The following NTN4 variants were observed in gnomAD, a reference collection of about 807,000 sequenced individuals.
NTN4 encodes the protein netrin 4.
In NTN4, 32 loss-of-function variants were observed where a neutral mutation model predicts 73.6. The ratio of observed to expected loss-of-function variants is 0.44; its 90% CI spans 0.33 to 0.58. The LOEUF is 0.58. Among genes scored for constraint, NTN4 ranks in the 20% least tolerant of loss-of-function variants. The pLI, the probability that NTN4 is intolerant of heterozygous loss-of-function variation, is 0.04. For missense variants in NTN4, 654 were observed against 798.3 expected (o/e 0.82, Z 2.18); for synonymous variants, 258 against 287.5 (o/e 0.90, Z 1.04).
chr12:95,718,412 T>A lies in NTN4; in HGVS notation c.865-5074A>T, dbSNP rs111964886. The stretch of plus-strand genomic sequence containing the variant: ...GACAGCATCAAGCATATGGGATGGA[T>A]GCTTACCAAGATTGTTGTAGAATAT... On this transcript the variant is annotated intron_variant, in intron 3 of 9. Transcript: ENST00000343702. Among the ~76,000 whole-genome samples the A allele has an allele frequency of 1.8e-3, 272 of 152,324 alleles. 1 individual carries two copies. The highest frequency in any genetic ancestry group is 6.2e-3 in the African/African-American group (257 of 41,582).
chr12:95,709,450 C>T (rs528416214), intron 5 of NTN4, among the ~76,000 whole-genome samples: 1 of 152,260 alleles, frequency 6.6e-6, no homozygotes, highest in South Asian at 2.1e-4. Context: ...TCCTATGAAT[C>T]GGATAGATCT....
Position 95,658,987 on chromosome 12 carries a change from G to T in NTN4, c.*99C>A. On this transcript the variant is annotated 3_prime_UTR_variant, in exon 10 of 10. Transcript: ENST00000343702. ...CATTCAAACATTTCTATATGTTTTG[G>T]CACTTTAAAAAATTCCAGTTTCCTG... is the stretch of plus-strand genomic sequence containing the variant. The T allele has an allele frequency of 1.8e-6, 2 of 1,093,788 alleles. No individual in the cohort carries two copies. Among genetic ancestry groups the T allele is most frequent in the Non-Finnish European group, 2.6e-6 (2 of 765,696 alleles). The allele number at this position is 1,093,788 out of a possible 1,614,324, so 67.8% of individuals were successfully genotyped here. A position where few individuals can be genotyped will look rare whatever the true frequency, so the allele number is the denominator to read the frequency against.
chr12:95,713,196 TG>T lies in NTN4; in HGVS notation c.991+15del. On this transcript the variant is annotated intron_variant, in intron 4 of 9. Coordinates refer to ENST00000343702, the MANE Select transcript of NTN4 (RefSeq NM_021229.4). ...TTACAAAGAAAGCTTTTGAGTATCG[TG>T]GGCTTGTTACTTACTTCTGCACTCG... 1.2e-6 allele frequency: 2 copies of T among 1,608,114 alleles called. No homozygotes were observed. The highest frequency in any genetic ancestry group is 1.7e-6 in the Non-Finnish European group (2 of 1,175,218).
chr12:95,750,082 C>A (rs925558590), intron 2 of NTN4, among the ~76,000 whole-genome samples: 2 of 152,136 alleles, frequency 1.3e-5, no homozygotes, highest in African/African-American at 4.8e-5. Flanking sequence ...AGTACCCCAA[C>A]CTCGTATCTC....
chr12:95,699,349 T>C (rs934928634), intron 5 of NTN4, among the ~76,000 whole-genome samples: 4 of 152,190 alleles, frequency 2.6e-5, no homozygotes, highest in Non-Finnish European at 4.4e-5. Context: ...TTCTTACATG[T>C]GTAATTGTGG....
At chr12:95,669,850 C>G (rs757365397) in intron 8 of NTN4, among the ~76,000 whole-genome samples, 1 of 152,202 alleles carries the variant, frequency 6.6e-6, no homozygotes, top group Non-Finnish European at 1.5e-5. Flanking sequence ...TATAATAACT[C>G]TACCTTTGCT....
chr12:95,766,138 TA>T (rs1388322295), intron 2 of NTN4, among the ~76,000 whole-genome samples: 1 of 152,202 alleles, frequency 6.6e-6, no homozygotes, highest in Non-Finnish European at 1.5e-5. Context: ...GTGACATCCT[TA>T]TGTTCAGTGG....
intron 2 of NTN4, among the ~76,000 whole-genome samples, chr12:95,779,140 G>A (rs2079114799): frequency 6.6e-6 from 1 of 152,126 alleles, no homozygotes; most frequent in Non-Finnish European, 1.5e-5. Context: ...AATAAATTAG[G>A]TATTGATGGG....
chr12:95,729,281 C>T (rs2078718212), intron 3 of NTN4, among the ~76,000 whole-genome samples: 1 of 151,500 alleles, frequency 6.6e-6, no homozygotes, highest in African/African-American at 2.4e-5. Flanking sequence ...TATCTTAAAG[C>T]TAAAATATAT....
chr12:95,751,119 T>C (rs1170609270), intron 2 of NTN4, among the ~76,000 whole-genome samples: 1 of 151,806 alleles, frequency 6.6e-6, no homozygotes, highest in Non-Finnish European at 1.5e-5. Context: ...CAAAATACAT[T>C]TTATTACCCA....
At chr12:95,700,111 T>TTTTTTTTTTTTTTTTTTTTTTTG (rs2078473112) in intron 5 of NTN4, among the ~76,000 whole-genome samples, 1 of 115,530 alleles carries the variant, frequency 8.7e-6, no homozygotes, top group Non-Finnish European at 1.8e-5. Flanking sequence ...TTTTTTTTTT[T>TTTTTTTTTTTTTTTTTTTTTTTG]TTTTACTTAG....
chr12:95,785,812 G>A (rs1217222115), intron 2 of NTN4, among the ~76,000 whole-genome samples: 1 of 152,170 alleles, frequency 6.6e-6, no homozygotes, highest in East Asian at 1.9e-4. Flanking sequence ...CCTAGTTTCT[G>A]TAGCCATGGT....
intron 2 of NTN4, among the ~76,000 whole-genome samples, chr12:95,770,996 T>TG (rs72185913): frequency 7.4e-4 from 31 of 41,956 alleles, no homozygotes; most frequent in Non-Finnish European, 1.1e-3. Flanking sequence ...GAATTTGTTT[T>TG]TTTTTTTTTT....
intron 2 of NTN4, among the ~76,000 whole-genome samples, chr12:95,743,320 ATTAT>A (rs1361770139): frequency 6.6e-6 from 1 of 151,776 alleles, no homozygotes; most frequent in Non-Finnish European, 1.5e-5. Context: ...TTTTATCTTT[ATTAT>A]TTACTTTCTT....
At chr12:95,741,101 A>G (rs939918014) in intron 2 of NTN4, among the ~76,000 whole-genome samples, 3 of 152,054 alleles carry the variant, frequency 2.0e-5, no homozygotes, top group Non-Finnish European at 2.9e-5. Context: ...GGTTGCTTCC[A>G]GCTTTTCAGT....
At chr12:95,752,394 T>C (rs2078915395) in intron 2 of NTN4, among the ~76,000 whole-genome samples, 2 of 151,012 alleles carry the variant, frequency 1.3e-5, no homozygotes, top group South Asian at 4.4e-4. Flanking sequence ...TACAACCCAT[T>C]ATTCTGTTCT....
intron 2 of NTN4, among the ~76,000 whole-genome samples, chr12:95,767,331 A>C (rs189799755): frequency 2.3e-4 from 35 of 152,336 alleles, no homozygotes; most frequent in Non-Finnish European, 4.4e-5. Context: ...GGAATATACT[A>C]TAATGAGGTA....
chr12:95,667,577 A>G (rs1315045169), intron 8 of NTN4, among the ~76,000 whole-genome samples: 1 of 152,124 alleles, frequency 6.6e-6, no homozygotes, highest in Non-Finnish European at 1.5e-5. Flanking sequence ...AATTAAGGCC[A>G]GGTGCAGGGA....
chr12:95,667,003 C>T (rs1477672692), intron 8 of NTN4, among the ~76,000 whole-genome samples: 2 of 152,158 alleles, frequency 1.3e-5, no homozygotes, highest in Admixed American at 1.3e-4. Context: ...TCTTCACATT[C>T]AAAGGGCTGG....
Sources: allele counts gnomAD v4.1 joint callset (sites outside exome capture counted in the v4.1 genomes callset), GRCh38; gene constraint gnomAD v4.1.1; transcripts MANE v1.5; gene names NCBI Gene and HGNC (gene_info 2026-07-23, HGNC 2026-07-21).